The following ATP6V0A1 variants were observed in gnomAD, a reference collection of about 807,000 sequenced individuals.
ATP6V0A1 encodes the protein ATPase H+ transporting V0 subunit a1, also known as V-type proton ATPase 116 kDa subunit a 1.
A neutral mutation model predicts 105.4 loss-of-function variants in ATP6V0A1; 43 were observed. The observed-to-expected ratio is 0.41, with a 90% CI of 0.32 to 0.53. ATP6V0A1 has a LOEUF of 0.53. Among genes scored for constraint, ATP6V0A1 ranks in the 20% least tolerant of loss-of-function variants. The pLI, the probability that ATP6V0A1 is intolerant of heterozygous loss-of-function variation, is 0.30. For synonymous variants in ATP6V0A1, 362 were observed against 372.8 expected, an observed-to-expected ratio of 0.97 and a Z score of 0.33; for missense variants, 676 against 1,051.1, an observed-to-expected ratio of 0.64 and a Z score of 4.93.
chr17:42,465,825 G>T lies in ATP6V0A1; in HGVS notation c.118-604G>T, dbSNP rs963064530. 2.6e-4 allele frequency among the ~76,000 whole-genome samples: 39 copies of T among 151,742 alleles called. 1 individual carries two copies. Among genetic ancestry groups the T allele is most frequent in the Non-Finnish European group, 1.3e-4 (9 of 67,944 alleles). ...CTAAAAATGCAAGAAAATTAGCTGG[G>T]CATGGTGGTGCGCACCTGTAATCCC... is the stretch of plus-strand genomic sequence containing the variant. On this transcript the variant is annotated intron_variant, in intron 2 of 21. Transcript: ENST00000343619.
intron 17 of ATP6V0A1, 86 bp downstream of exon 17, chr17:42,501,390 G>A: frequency 1.0e-6 from 1 of 980,972 alleles, no homozygotes; most frequent in Non-Finnish European, 1.6e-6. Flanking sequence ...AATTAATTGT[G>A]CACAAATCTA....
At chr17:42,462,907 C>G (rs2086597573) in intron 2 of ATP6V0A1, among the ~76,000 whole-genome samples, 1 of 151,510 alleles carries the variant, frequency 6.6e-6, no homozygotes, top group African/African-American at 2.4e-5. Flanking sequence ...GCCACTGTGC[C>G]TGGCTGAAAT....
At chr17:42,494,502 C>T (rs557178342) in intron 12 of ATP6V0A1, 29 bp downstream of exon 12, 2 of 1,571,300 alleles carry the variant, frequency 1.3e-6, no homozygotes, top group South Asian at 2.3e-5. Context: ...CTGCATTGAA[C>T]TGAAATTTTA....
At chr17:42,470,292 A>G in intron 5 of ATP6V0A1, 74 bp downstream of exon 5, 1 of 1,537,518 alleles carries the variant, frequency 6.5e-7, no homozygotes. Context: ...TTTTTATTCC[A>G]GTAATTATTT....
intron 9 of ATP6V0A1, among the ~76,000 whole-genome samples, chr17:42,486,268 G>T (rs1192934387): frequency 6.6e-6 from 1 of 152,024 alleles, no homozygotes; most frequent in Non-Finnish European, 1.5e-5. Context: ...AAAATTAGCC[G>T]TGCATGGTGG....
At chr17:42,466,550 A>G in intron 3 of ATP6V0A1, 43 bp downstream of exon 3, 1 of 1,524,772 alleles carries the variant, frequency 6.6e-7, no homozygotes, top group Non-Finnish European at 9.1e-7. Context: ...TTAATGAATC[A>G]TTTGTCTTAG....
At position 42,494,480 on chromosome 17, in the gene ATP6V0A1, T is replaced by C. The variant is rs535375177; in HGVS notation, c.1314+7T>C. 20 of 1,607,992 alleles carry C rather than the reference T, an allele frequency of 1.2e-5. No individual in the cohort carries two copies. Among genetic ancestry groups the C allele is most frequent in the African/African-American group, 6.7e-5 (5 of 74,844 alleles). On this transcript the variant is annotated splice_region_variant and intron_variant, in intron 12 of 21. Transcript: ENST00000343619. ...CCAGAAGAATGAGAATGAGGTAATG[T>C]TTAAGTTACATCTGCATTGAACTGA...
At chr17:42,517,078 G>A (rs2092657017) in intron 21 of ATP6V0A1, among the ~76,000 whole-genome samples, 2 of 152,096 alleles carry the variant, frequency 1.3e-5, no homozygotes, top group African/African-American at 2.4e-5. Context: ...TCAGGAGTTC[G>A]AGACCAGCCT....
chr17:42,491,848 A>C (rs1442656903), intron 11 of ATP6V0A1, among the ~76,000 whole-genome samples: 4 of 150,278 alleles, frequency 2.7e-5, no homozygotes, highest in Non-Finnish European at 5.9e-5. Context: ...CGATCTCCTG[A>C]CCTCATGATC....
intron 17 of ATP6V0A1, among the ~76,000 whole-genome samples, chr17:42,502,367 A>G (rs1018126211): frequency 6.6e-6 from 1 of 152,258 alleles, no homozygotes; most frequent in African/African-American, 2.4e-5. Context: ...TGAGACTGTG[A>G]TAACTTTCAC....
At chr17:42,470,726 A>G (rs2087780368) in intron 5 of ATP6V0A1, 1 of 154,984 alleles carries the variant, frequency 6.5e-6, no homozygotes, top group Middle Eastern at 3.2e-3. Flanking sequence ...TATTTATTGT[A>G]TGGAAAATAT....
intron 21 of ATP6V0A1, among the ~76,000 whole-genome samples, chr17:42,515,043 T>C (rs953851966): frequency 6.6e-6 from 1 of 152,166 alleles, no homozygotes; most frequent in Non-Finnish European, 1.5e-5. Flanking sequence ...GTTTGTTTTC[T>C]TTAATGAAGC....
chr17:42,470,002 G>T (rs976264372), intron 4 of ATP6V0A1, 88 bp from the exon 5 acceptor site: 107 of 1,287,632 alleles, frequency 8.3e-5, no homozygotes, highest in Middle Eastern at 2.8e-4. Context: ...CTATCGGCTT[G>T]GCAACAGTTC....
rs568356527 is a variant in ATP6V0A1 at position 42,490,002 on chromosome 17, T to G, written c.1024-485T>G. Among the ~76,000 whole-genome samples, 7 of 151,994 alleles carry G rather than the reference T, an allele frequency of 4.6e-5. No homozygotes were observed. In the South Asian group the frequency reaches 6.2e-4, roughly 14 times the overall value. On this transcript the variant is annotated intron_variant, in intron 10 of 21. Coordinates refer to ENST00000343619, the MANE Select transcript of ATP6V0A1 (RefSeq NM_001130021.3). ...AGATCTCCAATGTCAGGGGCGTGCATGGGGGAGAGAAGCTCTTTGGTCAGG... is the reference window on the plus strand; with the variant it reads ...AGATCTCCAATGTCAGGGGCGTGCAGGGGGGAGAGAAGCTCTTTGGTCAGG...
chr17:42,466,632 G>C (rs574868527), intron 3 of ATP6V0A1, 125 bp downstream of exon 3: 2 of 790,104 alleles, frequency 2.5e-6, no homozygotes, highest in East Asian at 5.2e-5. Context: ...TTGCAGTTAA[G>C]ATGCCAAGGT....
rs1389019450 is a variant in ATP6V0A1 at position 42,487,418 on chromosome 17, C to G, written c.1023+51C>G. 3 of 1,573,624 alleles carry G rather than the reference C, an allele frequency of 1.9e-6. No homozygotes were observed. In the African/African-American group the frequency reaches 4.1e-5, roughly 21 times the overall value. On this transcript the variant is annotated intron_variant, in intron 10 of 21. Transcript: ENST00000343619. ...GCTCGTGGCCCGGAAGAGAGGTTCC[C>G]ATCAATAGTAACATTAATGTCATTT...
At chr17:42,490,752 G>A (rs1016932354) in intron 11 of ATP6V0A1, 115 bp downstream of exon 11, 3 of 1,170,908 alleles carry the variant, frequency 2.6e-6, no homozygotes, top group Middle Eastern at 2.7e-4. Context: ...GCAGCAGCAC[G>A]ACTGTAGTTC....
In ATP6V0A1 at chr17:42,460,928, C is replaced by A. The variant is rs762746790; in HGVS notation, c.34C>A (p.Leu12Met). 4.3e-6 allele frequency: 7 copies of A among 1,614,072 alleles called. No individual in the cohort carries two copies. The South Asian group carries it at 7.7e-5, about 18-fold the overall frequency. Residue 12 changes from leucine (L) to methionine (M), a missense_variant, in exon 2 of 22, where the codon CTG becomes ATG. By Grantham distance (15) the Leu-to-Met change is conservative. Coordinates refer to ENST00000343619, the MANE Select transcript of ATP6V0A1 (RefSeq NM_001130021.3). ...GCTTTTCCGGAGTGAAGAAATGACA[C>A]TGGCCCAGCTTTTTCTACAGTCAGA... ...GELFRSEEMT[L>M]AQLFLQSEAA...
intron 8 of ATP6V0A1, among the ~76,000 whole-genome samples, chr17:42,481,671 C>T (rs535479545): frequency 9.9e-5 from 15 of 152,018 alleles, no homozygotes; most frequent in Non-Finnish European, 1.6e-4. Flanking sequence ...TAGTGAGACC[C>T]CATGTCTATA....
Sources: allele counts gnomAD v4.1 joint callset (sites outside exome capture counted in the v4.1 genomes callset), GRCh38; gene constraint gnomAD v4.1.1; transcripts MANE v1.5; gene names NCBI Gene and HGNC (gene_info 2026-07-23, HGNC 2026-07-21).